LRBA: variants seen among roughly 807,000 people sequenced by gnomAD.
The protein encoded by LRBA is LPS responsive beige-like anchor protein.
Under a neutral mutation model 330.0 loss-of-function variants are expected in LRBA, and 176 were observed. That is an observed-to-expected ratio of 0.53 (90% CI 0.47 to 0.60). The LOEUF is 0.60. LRBA is among the 20% of genes least tolerant of loss of function. LRBA has a pLI of 0.00. For missense variants in LRBA, 3,259 were observed against 3,444.8 expected (o/e 0.95, Z 1.35); for synonymous variants, 1,230 against 1,193.0 (o/e 1.03, Z -0.64).
chr4:150,849,510 G>A lies in LRBA; in HGVS notation c.4070C>T (p.Thr1357Ile). 1 of 1,613,058 alleles carries A rather than the reference G, an allele frequency of 6.2e-7. No individual in the cohort carries two copies. Among genetic ancestry groups the A allele is most frequent in the African/African-American group, 1.3e-5 (1 of 75,012 alleles). ...CATCACTTGAGAGATGAGATGAATTGTGTTGTGTACAAAGATGACATTATC... is the reference window on the plus strand; with the variant it reads ...CATCACTTGAGAGATGAGATGAATTATGTTGTGTACAAAGATGACATTATC... ...SSDNVIFVHNTIHLISQVMDN... is the reference protein window; with the variant it reads ...SSDNVIFVHNIIHLISQVMDN... The change falls in exon 25 of 57, where the codon ACA (threonine) becomes ATA (isoleucine). Residue 1357 changes from threonine to isoleucine, a missense_variant. By Grantham distance (89) the Thr-to-Ile change is moderately conservative. Transcript: ENST00000651943.
At chr4:150,984,117 A>G (rs917950389) in intron 2 of LRBA, among the ~76,000 whole-genome samples, 2 of 152,196 alleles carry the variant, frequency 1.3e-5, no homozygotes, top group Non-Finnish European at 2.9e-5. Flanking sequence ...ACCACAAAGA[A>G]CCACACTACG....
At chr4:150,633,775 G>A (rs1046769995) in intron 37 of LRBA, among the ~76,000 whole-genome samples, 1 of 152,162 alleles carries the variant, frequency 6.6e-6, no homozygotes, top group Non-Finnish European at 1.5e-5. Flanking sequence ...CCACGTTCCA[G>A]CTATATAACC....
chr4:150,617,943 C>T (rs1215264182), intron 37 of LRBA, among the ~76,000 whole-genome samples: 1 of 151,936 alleles, frequency 6.6e-6, no homozygotes, highest in Non-Finnish European at 1.5e-5. Context: ...CCCATCTCTA[C>T]AAAAAATACA....
intron 36 of LRBA, among the ~76,000 whole-genome samples, chr4:150,691,744 G>C (rs1784158714): frequency 6.6e-6 from 1 of 152,128 alleles, no homozygotes; most frequent in African/African-American, 2.4e-5. Context: ...AAAATAACTT[G>C]TATGAAAATG....
chr4:150,747,965 T>C (rs189383797), intron 35 of LRBA, among the ~76,000 whole-genome samples: 211 of 152,238 alleles, frequency 1.4e-3, no homozygotes, highest in African/African-American at 4.8e-3. Flanking sequence ...AATAAGGCAT[T>C]TCAAATCTAA....
intron 40 of LRBA, among the ~76,000 whole-genome samples, chr4:150,543,148 C>T (rs1377877738): frequency 6.6e-6 from 1 of 152,174 alleles, no homozygotes; most frequent in Non-Finnish European, 1.5e-5. Context: ...CCCCAATTAA[C>T]GATCCTGCCA....
intron 48 of LRBA, among the ~76,000 whole-genome samples, chr4:150,341,766 T>TA (rs990730890): frequency 2.6e-5 from 4 of 151,276 alleles, no homozygotes; most frequent in African/African-American, 4.8e-5. Flanking sequence ...GTGTATTTTT[T>TA]AAAAAAATAT....
At chr4:150,578,728 T>G (rs1390661981) in intron 40 of LRBA, among the ~76,000 whole-genome samples, 2 of 152,212 alleles carry the variant, frequency 1.3e-5, no homozygotes, top group Non-Finnish European at 2.9e-5. Context: ...TCACCTACAT[T>G]CTTTATGTTC....
At chr4:150,493,643 A>G (rs1286991113) in intron 40 of LRBA, among the ~76,000 whole-genome samples, 1 of 152,190 alleles carries the variant, frequency 6.6e-6, no homozygotes, top group Non-Finnish European at 1.5e-5. Flanking sequence ...CCATTTTGGT[A>G]CCATTTTCAC....
At chr4:150,391,972 TAAAAAAAAAAAAAAA>T (rs150931536) in intron 47 of LRBA, among the ~76,000 whole-genome samples, 48 of 107,440 alleles carry the variant, frequency 4.5e-4, no homozygotes, top group African/African-American at 6.4e-4. Context: ...TGTTACTCTT[TAAAAAAAAAAAAAAA>T]AAAAAAAAAA....
intron 5 of LRBA, among the ~76,000 whole-genome samples, chr4:150,917,152 C>CAA (rs1158155392): frequency 1.5e-5 from 2 of 132,788 alleles, no homozygotes; most frequent in Admixed American, 7.4e-5. Flanking sequence ...GACTCCATCT[C>CAA]AAAAAAAAAA....
At chr4:150,419,960 G>C (rs538446661) in intron 46 of LRBA, among the ~76,000 whole-genome samples, 3 of 150,284 alleles carry the variant, frequency 2.0e-5, no homozygotes, top group Admixed American at 6.6e-5. Flanking sequence ...GTCTAGCCCA[G>C]GCACCGTGGC....
At chr4:150,331,792 T>G (rs1734036529) in intron 48 of LRBA, among the ~76,000 whole-genome samples, 2 of 152,154 alleles carry the variant, frequency 1.3e-5, no homozygotes, top group Admixed American at 6.6e-5. Context: ...ACTCAAAGCC[T>G]TCCGTTCCAA....
At chr4:150,729,503 TA>T (rs1466107414) in intron 36 of LRBA, among the ~76,000 whole-genome samples, 1 of 151,880 alleles carries the variant, frequency 6.6e-6, no homozygotes, top group African/African-American at 2.4e-5. Context: ...GAAGAGAATA[TA>T]AAAAAATGGA....
Position 150,661,459 on chromosome 4 carries a change from G to C in LRBA, c.5921+22092C>G, listed in dbSNP as rs1472380862. 4.4e-4 allele frequency among the ~76,000 whole-genome samples: 55 copies of C among 125,898 alleles called. 1 individual carries two copies. In the East Asian group the frequency reaches 0.012, roughly 28 times the overall value. The allele number at this position is 125,898 out of a possible 152,430, so 82.6% of individuals were successfully genotyped here. On this transcript the variant is annotated intron_variant, in intron 37 of 56. Transcript: ENST00000651943. ...CCCTCCAGCCTGGGCAACACAGCGAGACTCTGTCTCAAAAAAAAAAAAAAA... is the reference window on the plus strand; with the variant it reads ...CCCTCCAGCCTGGGCAACACAGCGACACTCTGTCTCAAAAAAAAAAAAAAA...
intron 46 of LRBA, chr4:150,423,744 C>G (rs1428804293): frequency 5.5e-6 from 1 of 182,990 alleles, no homozygotes; most frequent in African/African-American, 2.4e-5. Context: ...CCACGGCACA[C>G]GTGGGCTCCG....
Position 150,435,637 on chromosome 4 carries a change from T to G in LRBA, c.6993A>C (p.Ser2331=). ...KFDHADRTFS[S]ISRAWRNSQR... Reference sequence around the variant, plus strand: ...GACTGTTTCGCCAAGCTCTGGAAATTGATGAAAAAGTTCGATCTGCATGAT... The same window carrying G: ...GACTGTTTCGCCAAGCTCTGGAAATGGATGAAAAAGTTCGATCTGCATGAT... The change falls in exon 46 of 57, where the codon TCA becomes TCC. Residue 2331 remains serine (S), a synonymous_variant. Coordinates refer to ENST00000651943, the MANE Select transcript of LRBA (RefSeq NM_001364905.1). The G allele has an allele frequency of 1.9e-6, 3 of 1,613,444 alleles. No homozygotes were observed. Among genetic ancestry groups the G allele is most frequent in the East Asian group, 2.2e-5 (1 of 44,820 alleles).
intron 2 of LRBA, among the ~76,000 whole-genome samples, chr4:150,959,770 ACTT>A (rs1737931464): frequency 6.9e-6 from 1 of 145,642 alleles, no homozygotes; most frequent in African/African-American, 2.6e-5. Flanking sequence ...AATCTAATAT[ACTT>A]ATTATATTAT....
chr4:150,585,068 C>A (rs1031087801), intron 40 of LRBA, among the ~76,000 whole-genome samples: 1 of 152,028 alleles, frequency 6.6e-6, no homozygotes, highest in Admixed American at 6.5e-5. Context: ...TTCAAAAAAT[C>A]CAATCTGAAT....
Sources: gnomAD v4.1 joint callset for allele counts (sites outside exome capture counted in the v4.1 genomes callset) on GRCh38, gnomAD v4.1.1 for gene constraint, MANE v1.5 for transcripts, NCBI Gene and HGNC (gene_info 2026-07-23, HGNC 2026-07-21) for gene names.